CNTN5: variants seen among roughly 807,000 people sequenced by gnomAD.
The protein encoded by CNTN5 is contactin 5, also known as contactin-5.
A neutral mutation model predicts 129.1 loss-of-function variants in CNTN5; 77 were observed. The observed-to-expected ratio is 0.60, with a 90% CI of 0.50 to 0.72. The LOEUF (loss-of-function observed/expected upper bound fraction) is 0.72, where lower values mean the gene tolerates loss of function less well. CNTN5 is among the 30% of genes least tolerant of loss of function. The probability of loss-of-function intolerance (pLI) is 0.00; values close to 1 mark genes in which losing one functional copy is unlikely to be tolerated. For synonymous variants in CNTN5, 509 were observed against 465.6 expected (o/e 1.09, Z -1.20); for missense variants, 1,478 against 1,328.8 (o/e 1.11, Z -1.75).
intron 3 of CNTN5, among the ~76,000 whole-genome samples, chr11:99,747,672 A>C (rs1944099607): frequency 6.6e-6 from 1 of 151,784 alleles, no homozygotes; most frequent in African/African-American, 2.4e-5. Context: ...ACGAGGTTTC[A>C]CTGTGTTAGC....
intron 2 of CNTN5, among the ~76,000 whole-genome samples, chr11:99,442,418 C>T (rs1220816112): frequency 1.3e-5 from 2 of 152,144 alleles, no homozygotes; most frequent in Non-Finnish European, 2.9e-5. Context: ...GATCCACCCA[C>T]CTTGGCCTCC....
Position 99,470,815 on chromosome 11 carries a change from T to TTTA in CNTN5, c.-70-85328_-70-85327insATT, listed in dbSNP as rs1382864529. Among the ~76,000 whole-genome samples the TTTA allele has an allele frequency of 3.2e-4, 5 of 15,736 alleles. No individual in the cohort carries two copies. In the East Asian group the frequency reaches 6.2e-3, roughly 19 times the overall value. The allele number at this position is 15,736 out of a possible 152,430, so 10.3% of individuals were successfully genotyped here. ...ATATAGAAGGAAAATCACAAATTTA[T>TTTA]TTTTTTTTATCATTATAGCTATATT... is the stretch of plus-strand genomic sequence containing the variant. On this transcript the variant is annotated intron_variant, in intron 2 of 24. Transcript: ENST00000524871.
At chr11:99,376,967 CTG>C (rs1940224848) in intron 2 of CNTN5, among the ~76,000 whole-genome samples, 1 of 152,124 alleles carries the variant, frequency 6.6e-6, no homozygotes, top group African/African-American at 2.4e-5. Context: ...GATCTGTGCG[CTG>C]TCTTACTAAG....
intron 16 of CNTN5, 39 bp from the exon 17 acceptor site, chr11:100,255,721 A>C: frequency 6.4e-7 from 1 of 1,572,458 alleles, no homozygotes; most frequent in Non-Finnish European, 8.7e-7. Flanking sequence ...TCCTGATAAT[A>C]ATTTGTGCTT....
chr11:99,614,675 C>T (rs1376627213), intron 3 of CNTN5, among the ~76,000 whole-genome samples: 1 of 152,236 alleles, frequency 6.6e-6, no homozygotes, highest in Non-Finnish European at 1.5e-5. Flanking sequence ...GATCTTTGCT[C>T]CTCGATCCAG....
intron 16 of CNTN5, among the ~76,000 whole-genome samples, chr11:100,233,124 A>T (rs2138655259): frequency 6.6e-6 from 1 of 152,262 alleles, no homozygotes; most frequent in African/African-American, 2.4e-5. Context: ...TTAAATTACT[A>T]TACTGCCTTC....
At chr11:99,229,617 G>A (rs1283448674) in intron 1 of CNTN5, among the ~76,000 whole-genome samples, 1 of 151,148 alleles carries the variant, frequency 6.6e-6, no homozygotes, top group Non-Finnish European at 1.5e-5. Flanking sequence ...AGCCGTAATT[G>A]TTACTCAGAA....
At chr11:99,825,569 T>C (rs1362195866) in intron 4 of CNTN5, among the ~76,000 whole-genome samples, 1 of 152,058 alleles carries the variant, frequency 6.6e-6, no homozygotes, top group African/African-American at 2.4e-5. Flanking sequence ...GCATATTTTG[T>C]GGTAAAAAGG....
At chr11:99,458,382 A>G (rs190578230) in intron 2 of CNTN5, among the ~76,000 whole-genome samples, 15 of 152,092 alleles carry the variant, frequency 9.9e-5, no homozygotes, top group Non-Finnish European at 5.9e-5. Context: ...TTAGTAATCA[A>G]TCAGATTACA....
chr11:100,193,176 C>T (rs1291065214), intron 14 of CNTN5, among the ~76,000 whole-genome samples: 3 of 151,766 alleles, frequency 2.0e-5, no homozygotes, highest in Admixed American at 1.3e-4. Flanking sequence ...AGGCTACAGC[C>T]TCTTCTTTTT....
chr11:99,589,585 A>T (rs934865270), intron 3 of CNTN5, among the ~76,000 whole-genome samples: 1 of 152,224 alleles, frequency 6.6e-6, no homozygotes, highest in Admixed American at 6.5e-5. Flanking sequence ...ATGTTAGTTC[A>T]AGTCACAAAT....
At chr11:99,645,649 T>G (rs991977928) in intron 3 of CNTN5, among the ~76,000 whole-genome samples, 1 of 152,000 alleles carries the variant, frequency 6.6e-6, no homozygotes, top group African/African-American at 2.4e-5. Context: ...TCCTTTGCAG[T>G]GACATGGATG....
chr11:99,117,229 G>C (rs1452234221), intron 1 of CNTN5, among the ~76,000 whole-genome samples: 1 of 152,078 alleles, frequency 6.6e-6, no homozygotes, highest in Non-Finnish European at 1.5e-5. Context: ...CTATTTATAA[G>C]GTATAGGCAA....
chr11:99,102,570 G>A (rs978282544), intron 1 of CNTN5, among the ~76,000 whole-genome samples: 1 of 152,032 alleles, frequency 6.6e-6, no homozygotes, highest in African/African-American at 2.4e-5. Flanking sequence ...AGATCTCTAG[G>A]GCAGGGGCAA....
intron 3 of CNTN5, among the ~76,000 whole-genome samples, chr11:99,632,444 T>A (rs1951394466): frequency 1.3e-5 from 2 of 152,084 alleles, no homozygotes; most frequent in African/African-American, 4.8e-5. Flanking sequence ...GTGAGGATGA[T>A]TTTGAATGAC....
At chr11:99,863,792 A>G (rs1341491478) in intron 6 of CNTN5, among the ~76,000 whole-genome samples, 1 of 152,176 alleles carries the variant, frequency 6.6e-6, no homozygotes, top group East Asian at 1.9e-4. Flanking sequence ...TTCACAGTTA[A>G]TGTTTAGAAA....
chr11:99,827,820 G>T (rs1947014034), intron 4 of CNTN5, among the ~76,000 whole-genome samples: 1 of 152,084 alleles, frequency 6.6e-6, no homozygotes, highest in Admixed American at 6.6e-5. Flanking sequence ...CTGAATGTTT[G>T]TGACGCAAAT....
At chr11:100,352,701 C>CA (rs1266265177) in intron 24 of CNTN5, among the ~76,000 whole-genome samples, 1 of 151,646 alleles carries the variant, frequency 6.6e-6, no homozygotes, top group Non-Finnish European at 1.5e-5. Context: ...TGTGGTCACA[C>CA]AAAAATTTAA....
chr11:100,125,037 T>C (rs759603029), intron 13 of CNTN5, among the ~76,000 whole-genome samples: 26 of 152,058 alleles, frequency 1.7e-4, no homozygotes, highest in Non-Finnish European at 2.8e-4. Flanking sequence ...TAACAGGTGA[T>C]TGCCAATGCT....
Sources: gnomAD v4.1 joint callset for allele counts (sites outside exome capture counted in the v4.1 genomes callset) on GRCh38, gnomAD v4.1.1 for gene constraint, MANE v1.5 for transcripts, NCBI Gene and HGNC (gene_info 2026-07-23, HGNC 2026-07-21) for gene names.